The following RTTN variants were observed in gnomAD, a reference collection of about 807,000 sequenced individuals.
RTTN encodes rotatin.
In RTTN, 182 loss-of-function variants were observed where a neutral mutation model predicts 269.2. The ratio of observed to expected loss-of-function variants is 0.68; its 90% CI spans 0.60 to 0.76. The LOEUF (loss-of-function observed/expected upper bound fraction) is 0.76. RTTN is among the 30% of genes least tolerant of loss of function. The pLI is 0.00. For synonymous variants in RTTN, 1,006 were observed against 963.5 expected (o/e 1.04, Z -0.82); for missense variants, 2,545 against 2,608.6 (o/e 0.98, Z 0.53).
At chr18:70,048,214 T>A in intron 39 of RTTN, 26 bp from the exon 40 acceptor site, 1 of 1,580,176 alleles carries the variant, frequency 6.3e-7, no homozygotes, top group Non-Finnish European at 8.7e-7. Context: ...CAGATGTGAA[T>A]GTTTGAAAAT....
At chr18:70,135,111 T>C (rs1599718799) in intron 22 of RTTN, 73 bp downstream of exon 22, 1 of 835,710 alleles carries the variant, frequency 1.2e-6, no homozygotes, top group East Asian at 2.9e-5. Flanking sequence ...TTTCCATGCC[T>C]TGCTATAAGA....
At chr18:70,066,770 T>C (rs1019049597) in intron 34 of RTTN, among the ~76,000 whole-genome samples, 5 of 152,210 alleles carry the variant, frequency 3.3e-5, no homozygotes, top group East Asian at 1.9e-4. Context: ...TATTTGTACA[T>C]TGATTGTGTA....
intron 6 of RTTN, among the ~76,000 whole-genome samples, chr18:70,197,417 C>T (rs1414914915): frequency 6.6e-6 from 1 of 152,210 alleles, no homozygotes; most frequent in Non-Finnish European, 1.5e-5. Context: ...CCAGACTGGA[C>T]TGCAAGTGTC....
chr18:70,139,777 G>A lies in RTTN; in HGVS notation c.2671-61C>T, dbSNP rs144413207. On this transcript the variant is annotated intron_variant, in intron 20 of 48. Transcript: ENST00000640769. ...ACCAATTATCAGGTGAGATCAAACA[G>A]ACCATAATATTATCTTACTCTAAAT... 3.1e-4 allele frequency: 301 copies of A among 962,906 alleles called. No individual in the cohort carries two copies. The African/African-American group carries it at 4.7e-3, about 15-fold the overall frequency. The allele number at this position is 962,906 out of a possible 1,614,324, so 59.6% of individuals were successfully genotyped here.
intron 32 of RTTN, among the ~76,000 whole-genome samples, chr18:70,078,589 A>G (rs2058485501): frequency 6.6e-6 from 1 of 151,966 alleles, no homozygotes; most frequent in African/African-American, 2.4e-5. Context: ...ATACACACAC[A>G]CATATACATG....
intron 27 of RTTN, 111 bp downstream of exon 27, chr18:70,114,334 T>C: frequency 4.0e-6 from 4 of 1,011,052 alleles, no homozygotes; most frequent in African/African-American, 1.6e-5. Flanking sequence ...ATTTAAGTAT[T>C]TGAAAGAAGT....
intron 10 of RTTN, among the ~76,000 whole-genome samples, chr18:70,185,662 G>C (rs955720126): frequency 2.0e-5 from 3 of 152,024 alleles, no homozygotes; most frequent in Admixed American, 2.0e-4. Context: ...GGTATCCAGA[G>C]TGAATAGAAA....
chr18:70,139,260 G>A (rs1021333503), intron 21 of RTTN, among the ~76,000 whole-genome samples: 5 of 152,058 alleles, frequency 3.3e-5, no homozygotes, highest in South Asian at 2.1e-4. Context: ...CAAGAAAGAC[G>A]AAAGAGATAT....
chr18:70,191,827 G>A (rs868619218), intron 8 of RTTN, among the ~76,000 whole-genome samples: 5 of 152,040 alleles, frequency 3.3e-5, no homozygotes, highest in East Asian at 3.9e-4. Flanking sequence ...GAAACAACTC[G>A]GGCTTCTCTG....
chr18:70,041,251 T>TA (rs369257650), intron 40 of RTTN, among the ~76,000 whole-genome samples: 1 of 151,522 alleles, frequency 6.6e-6, no homozygotes, highest in African/African-American at 2.4e-5. Context: ...AAAATAAAAA[T>TA]AAAAAATTGC....
intron 43 of RTTN, among the ~76,000 whole-genome samples, chr18:70,026,461 C>T (rs574483735): frequency 6.6e-6 from 1 of 152,188 alleles, no homozygotes; most frequent in East Asian, 1.9e-4. Context: ...CTCACTCTTG[C>T]TCCAGTTCTA....
At chr18:70,131,791 G>GA (rs1599703317) in intron 23 of RTTN, 1 of 151,130 alleles carries the variant, frequency 6.6e-6, no homozygotes, top group Non-Finnish European at 1.5e-5. Context: ...GAAAAAGAAA[G>GA]AAAAAAACCA....
chr18:70,204,324 A>G, intron 2 of RTTN, 61 bp from the exon 3 acceptor site: 1 of 1,436,414 alleles, frequency 7.0e-7, no homozygotes, highest in South Asian at 1.3e-5. Context: ...AACTTACAGC[A>G]ATCAAAACAT....
chr18:70,184,375 GA>G (rs2061485892), intron 10 of RTTN, among the ~76,000 whole-genome samples: 1 of 152,012 alleles, frequency 6.6e-6, no homozygotes, highest in African/African-American at 2.4e-5. Flanking sequence ...CCAACATGGT[GA>G]AACCCTGTCT....
intron 28 of RTTN, among the ~76,000 whole-genome samples, chr18:70,102,377 G>A (rs541593944): frequency 3.3e-4 from 50 of 152,096 alleles, no homozygotes; most frequent in African/African-American, 7.7e-4. Context: ...CTGTTTTATC[G>A]GAGAGAGGAT....
Position 70,065,840 on chromosome 18 carries a change from A to G in RTTN, c.4736T>C (p.Phe1579Ser). 3 of 1,593,216 alleles carry G rather than the reference A, an allele frequency of 1.9e-6. No homozygotes were observed. The highest frequency in any genetic ancestry group is 1.1e-5 in the South Asian group (1 of 87,100). The change falls in exon 35 of 49, where the codon TTT becomes TCT. Residue 1579 changes from phenylalanine to serine, a missense_variant. Physicochemically the swap from Phe to Ser is radical, Grantham distance 155. Coordinates refer to ENST00000640769, the MANE Select transcript of RTTN (RefSeq NM_173630.4). ...TLLPEASHDQ[F>S]VAQGHQESTS... ...CACTAAAAGGATACCTTGAGCCACAAACTGGTCATGGGAGGCTTCAGGTAG... is the reference window on the plus strand; with the variant it reads ...CACTAAAAGGATACCTTGAGCCACAGACTGGTCATGGGAGGCTTCAGGTAG...
intron 34 of RTTN, among the ~76,000 whole-genome samples, chr18:70,071,171 C>T (rs2145027462): frequency 6.6e-6 from 1 of 152,278 alleles, no homozygotes; most frequent in East Asian, 1.9e-4. Context: ...TGGGACCTCA[C>T]TCCATGCCCT....
rs140465223 is a variant in RTTN, at chr18:70,191,069, C to T, written c.1008-350G>A. On this transcript the variant is annotated intron_variant, in intron 8 of 48. Coordinates refer to ENST00000640769, the MANE Select transcript of RTTN (RefSeq NM_173630.4). ...ATTCGCTGGGCATGGTGGCACACAC[C>T]TGTAATCCCAGCTACTGGGGAGGCT... 5.0e-3 allele frequency among the ~76,000 whole-genome samples: 763 copies of T among 152,210 alleles called. 6 individuals are homozygous for T. Among genetic ancestry groups the T allele is most frequent in the African/African-American group, 0.017 (723 of 41,528 alleles).
At chr18:70,024,959 G>A in intron 43 of RTTN, 111 bp from the exon 44 acceptor site, 1 of 1,248,772 alleles carries the variant, frequency 8.0e-7, no homozygotes, top group Non-Finnish European at 1.1e-6. Context: ...AGAACCCTGT[G>A]GATGGCTTCA....
Sources: gnomAD v4.1 joint callset for allele counts (sites outside exome capture counted in the v4.1 genomes callset) on GRCh38, gnomAD v4.1.1 for gene constraint, MANE v1.5 for transcripts, NCBI Gene and HGNC (gene_info 2026-07-23, HGNC 2026-07-21) for gene names.